Variants in RHCG observed in about 807,000 individuals in gnomAD.
RHCG encodes the protein ammonium transporter Rh type C.
A neutral mutation model predicts 55.3 loss-of-function variants in RHCG; 39 were observed. The observed-to-expected ratio is 0.70, with a 90% CI of 0.55 to 0.92. The LOEUF (loss-of-function observed/expected upper bound fraction) is 0.92, where lower values mean the gene tolerates loss of function less well. RHCG is among the 40% of genes least tolerant of loss of function. The pLI is 0.00. For synonymous variants in RHCG, 250 were observed against 246.8 expected, an observed-to-expected ratio of 1.01 and a Z score of -0.12; for missense variants, 635 against 627.9, an observed-to-expected ratio of 1.01 and a Z score of -0.12.
In RHCG at chr15:89,483,221, TG is replaced by T; in HGVS notation, c.372-5del. ...GCAGAAGTCAGCGTTGATGAGGCTG[TG>T]GGGAGACAGGCCAGTGGAGAAGCTG... On this transcript the variant is annotated splice_region_variant and splice_polypyrimidine_tract_variant and intron_variant, in intron 2 of 10. Coordinates refer to ENST00000268122, the MANE Select transcript of RHCG (RefSeq NM_016321.3). 1 of 1,553,798 alleles carries T rather than the reference TG, an allele frequency of 6.4e-7. No individual in the cohort carries two copies. Among genetic ancestry groups the T allele is most frequent in the Non-Finnish European group, 8.8e-7 (1 of 1,135,402 alleles).
chr15:89,477,562 G>T lies in RHCG; in HGVS notation c.1067C>A (p.Ala356Asp). ...IPGIIGGIVG[A>D]VTAASASLEV... ...AAGGCTGGCGGAGGCCGCTGTCACA[G>T]CACCCACGATGCCGCCTATGATGCC... The change falls in exon 7 of 11, where the codon GCT becomes GAT. Residue 356 changes from alanine to aspartate, a missense_variant. Ala to Asp is a moderately radical substitution (Grantham distance 126). Coordinates refer to ENST00000268122, the MANE Select transcript of RHCG (RefSeq NM_016321.3). This position sits in a 1 kb window ranked among gnomAD's most constrained non-coding sequence, Gnocchi z 4.5. 6.2e-7 allele frequency: 1 copy of T among 1,614,110 alleles called. No homozygotes were observed. The highest frequency in any genetic ancestry group is 8.5e-7 in the Non-Finnish European group (1 of 1,180,024).
At chr15:89,483,709 G>A (rs915236137) in intron 2 of RHCG, among the ~76,000 whole-genome samples, 16 of 152,054 alleles carry the variant, frequency 1.1e-4, no homozygotes, top group African/African-American at 3.9e-4. Context: ...CTTGTTATTG[G>A]GATCTTTCCT....
At chr15:89,484,999 C>T (rs1360029615) in intron 2 of RHCG, among the ~76,000 whole-genome samples, 1 of 152,070 alleles carries the variant, frequency 6.6e-6, no homozygotes, top group African/African-American at 2.4e-5. Flanking sequence ...ATCTCTGGAT[C>T]CACAAGGTCA....
intron 1 of RHCG, among the ~76,000 whole-genome samples, chr15:89,487,352 G>T (rs1460504215): frequency 6.6e-6 from 1 of 152,198 alleles, no homozygotes; most frequent in Non-Finnish European, 1.5e-5. Flanking sequence ...TCCTCCCTGG[G>T]TGGCTCTGCT....
Position 89,471,590 on chromosome 15 carries a change from G to A in RHCG, c.*290C>T, listed in dbSNP as rs1227685687. 1 of 152,580 alleles carries A rather than the reference G, an allele frequency of 6.6e-6. No individual in the cohort carries two copies. Among genetic ancestry groups the A allele is most frequent in the Non-Finnish European group, 1.5e-5 (1 of 68,116 alleles). 9.5% of individuals were successfully genotyped at this position (152,580 alleles called of 1,614,324 possible). The stretch of plus-strand genomic sequence containing the variant: ...GGGAGAGCTCAGGTTCACCCACCAG[G>A]TCCCAGCCCCACTTTGAGCCTGTTT... On this transcript the variant is annotated 3_prime_UTR_variant, in exon 11 of 11. Transcript: ENST00000268122.
intron 3 of RHCG, 115 bp from the exon 4 acceptor site, chr15:89,480,523 A>G (rs1961248447): frequency 3.9e-6 from 5 of 1,292,892 alleles, no homozygotes; most frequent in South Asian, 1.4e-5. Context: ...CGGACTCTTC[A>G]GGGTGCAGGA....
intron 1 of RHCG, among the ~76,000 whole-genome samples, chr15:89,488,412 G>A (rs568178249): frequency 6.6e-6 from 1 of 152,132 alleles, no homozygotes; most frequent in African/African-American, 2.4e-5. Context: ...TGTCTTAAAG[G>A]GTTTCCTTAT....
At chr15:89,486,569 A>AGC (rs1961365002) in intron 2 of RHCG, 1 of 302,848 alleles carries the variant, frequency 3.3e-6, no homozygotes, top group Non-Finnish European at 6.0e-6. Flanking sequence ...AGAGACAGAG[A>AGC]GAGAGAGAGA....
Position 89,479,403 on chromosome 15 carries a change from G to A in RHCG, c.756C>T (p.Asn252=). 1.9e-6 allele frequency: 3 copies of A among 1,614,244 alleles called. No homozygotes were observed. Among genetic ancestry groups the A allele is most frequent in the Non-Finnish European group, 1.7e-6 (2 of 1,180,048 alleles). ...CGCAGGCTGCCAAGGAGCAGTAGGT[G>A]TTGATGGCGGCTCGGTGCTGGCTGT... is the stretch of plus-strand genomic sequence containing the variant. ...HGDSQHRAAI[N]TYCSLAACVL... is the part of the protein sequence containing the mutation. Residue 252 remains asparagine (N), a synonymous_variant, in exon 5 of 11, where the codon AAC becomes AAT. Transcript: ENST00000268122.
intron 9 of RHCG, among the ~76,000 whole-genome samples, chr15:89,474,495 G>A (rs909031945): frequency 1.2e-4 from 18 of 152,178 alleles, no homozygotes; most frequent in African/African-American, 4.1e-4. Context: ...CAGGAGGCAT[G>A]AGGGGAGTCC....
At chr15:89,484,779 CAAA>C (rs59658119) in intron 2 of RHCG, among the ~76,000 whole-genome samples, 1,220 of 101,352 alleles carry the variant, frequency 0.012, 16 homozygotes, top group East Asian at 0.058. Flanking sequence ...AACTCAGTCT[CAAA>C]AAAAAAAAAA....
At chr15:89,472,071 A>G (rs528859379) in intron 10 of RHCG, among the ~76,000 whole-genome samples, 9 of 152,318 alleles carry the variant, frequency 5.9e-5, no homozygotes, top group Non-Finnish European at 1.3e-4. Flanking sequence ...TTAAATAACA[A>G]TAATAAAAAC....
chr15:89,472,687 C>T (rs1416343513), intron 10 of RHCG, 24 bp downstream of exon 10: 2 of 1,594,048 alleles, frequency 1.3e-6, no homozygotes, highest in Admixed American at 3.5e-5. Context: ...TCCCTGTCAT[C>T]CCCCAAGCCA....
intron 3 of RHCG, among the ~76,000 whole-genome samples, 176 bp from the exon 4 acceptor site, chr15:89,480,584 G>A (rs1052965815): frequency 2.0e-5 from 3 of 152,200 alleles, no homozygotes; most frequent in African/African-American, 7.2e-5. Flanking sequence ...GGAGAAGGTA[G>A]GGATTCCCAT....
intron 3 of RHCG, among the ~76,000 whole-genome samples, chr15:89,480,877 A>G (rs1199967798): frequency 1.3e-5 from 2 of 152,218 alleles, no homozygotes; most frequent in East Asian, 3.9e-4. Flanking sequence ...CAGGTGCCAG[A>G]TTGATGTTTG....
At chr15:89,480,217 C>T (rs946305771) in intron 4 of RHCG, 44 bp downstream of exon 4, 7 of 1,612,172 alleles carry the variant, frequency 4.3e-6, no homozygotes, top group Non-Finnish European at 5.9e-6. Context: ...TCATGGCCAC[C>T]TTCACCCATC....
rs2072692 is a variant in RHCG, at chr15:89,471,802, A to G, written c.*78T>C. 34,302 of 152,668 alleles carry G rather than the reference A, an allele frequency of 0.22. 3,916 individuals are homozygous for G. The highest frequency in any genetic ancestry group is 0.26 in the Admixed American group (3,903 of 15,300). The allele number at this position is 152,668 out of a possible 1,614,324, so 9.5% of individuals were successfully genotyped here. On this transcript the variant is annotated 3_prime_UTR_variant, in exon 11 of 11. Coordinates refer to ENST00000268122, the MANE Select transcript of RHCG (RefSeq NM_016321.3). ...GGGGGTGCTGCTTGCTCACTCTTGC[A>G]TCCCTAGCTAGGTCAGCACCAGCTC...
At chr15:89,479,824 G>A (rs1596403874) in intron 4 of RHCG, 1 of 387,718 alleles carries the variant, frequency 2.6e-6, no homozygotes, top group East Asian at 5.5e-5. Flanking sequence ...CCACTACGCT[G>A]TGAGGAGCTC....
chr15:89,476,026 TCTC>T (rs781459766), intron 9 of RHCG, among the ~76,000 whole-genome samples: 1 of 151,884 alleles, frequency 6.6e-6, no homozygotes, highest in Non-Finnish European at 1.5e-5. Flanking sequence ...TCTCTCTCTC[TCTC>T]TCATTCTCTT....
Sources: gnomAD v4.1 joint callset for allele counts (sites outside exome capture counted in the v4.1 genomes callset) on GRCh38, gnomAD v4.1.1 for gene constraint, Gnocchi (gnomAD v3.1) non-coding constraint, MANE v1.5 for transcripts, NCBI Gene and HGNC (gene_info 2026-07-23, HGNC 2026-07-21) for gene names.